AZIN2: variants seen among roughly 807,000 people sequenced by gnomAD.
AZIN2 encodes antizyme inhibitor 2.
In AZIN2, 28 loss-of-function variants were observed where a neutral mutation model predicts 47.8. The ratio of observed to expected loss-of-function variants is 0.59; its 90% CI spans 0.43 to 0.80. AZIN2 has a LOEUF of 0.80. Ranked by LOEUF, AZIN2 falls within the 30% of genes least tolerant of loss-of-function variation. AZIN2 has a pLI of 0.00. For missense variants in AZIN2, 535 were observed against 582.5 expected, an observed-to-expected ratio of 0.92 and a Z score of 0.84; for synonymous variants, 221 against 239.4, an observed-to-expected ratio of 0.92 and a Z score of 0.71.
intron 10 of AZIN2, among the ~76,000 whole-genome samples, chr1:33,109,752 T>C (rs551071710): frequency 6.6e-5 from 10 of 152,124 alleles, no homozygotes; most frequent in Non-Finnish European, 8.8e-5. Flanking sequence ...GTAGTGCTTA[T>C]TACCTTCTAA....
At chr1:33,144,654 G>C in the AZIN2 span, among the ~76,000 whole-genome samples, 1 of 152,184 alleles carries the variant, frequency 6.6e-6, no homozygotes, top group South Asian at 2.1e-4. Flanking sequence ...TTCTTCTTTA[G>C]TCGACAGTCT....
intron 10 of AZIN2, among the ~76,000 whole-genome samples, chr1:33,115,057 T>C (rs1319813765): frequency 6.6e-6 from 1 of 152,200 alleles, no homozygotes; most frequent in Non-Finnish European, 1.5e-5. Context: ...TATGTGCCTT[T>C]GAAGAAGGCA....
rs1320362921 is a variant in AZIN2 at position 33,093,327 on chromosome 1, C to G, written c.498C>G (p.Cys166Trp). The G allele has an allele frequency of 1.9e-6, 3 of 1,613,936 alleles. No individual in the cohort carries two copies. The highest frequency in any genetic ancestry group is 3.3e-5 in the Admixed American group (2 of 59,992). The change falls in exon 7 of 12, where the codon TGC becomes TGG. Residue 166 changes from cysteine (C) to tryptophan (W), a missense_variant. This residue lies in a region of AZIN2 where 409 missense variants were observed against 429.0 expected (regional missense o/e 0.95). Coordinates refer to ENST00000294517, the MANE Select transcript of AZIN2 (RefSeq NM_052998.4). ...IATDDSHSLS[C>W]LSLKFGVSLK... ...CCGATGACTCCCACTCCCTGAGCTG[C>G]CTGAGCCTAAAGTTTGGAGTGTCAC...
chr1:33,112,969 G>A (rs867413321), intron 10 of AZIN2, among the ~76,000 whole-genome samples: 20 of 152,082 alleles, frequency 1.3e-4, no homozygotes, highest in African/African-American at 4.8e-4. Flanking sequence ...CTTCCATGAA[G>A]GTTTTATTTA....
chr1:33,139,746 G>A, the AZIN2 span, among the ~76,000 whole-genome samples: 1 of 152,338 alleles, frequency 6.6e-6, no homozygotes, highest in East Asian at 1.9e-4. Context: ...CCTGTATTGG[G>A]CTGCTGGTGG....
chr1:33,119,856 T>C (rs1644735579), intron 11 of AZIN2, 188 bp from the exon 12 acceptor site: 1 of 645,984 alleles, frequency 1.5e-6, no homozygotes, highest in Non-Finnish European at 2.6e-6. Context: ...TTCTTTCCCT[T>C]GTTGAGGGGT....
chr1:33,085,942 G>A (rs1641843336), intron 5 of AZIN2, among the ~76,000 whole-genome samples: 2 of 152,164 alleles, frequency 1.3e-5, no homozygotes, highest in South Asian at 4.1e-4. Flanking sequence ...GGGATGAAAA[G>A]GAGCAGGATC....
At chr1:33,165,205 G>T in the AZIN2 span, 4 of 355,312 alleles carry the variant, frequency 1.1e-5, no homozygotes, top group African/African-American at 6.4e-5. The surrounding 1 kb of genome is among the most constrained non-coding windows in gnomAD (Gnocchi z 4.0). Flanking sequence ...CACCCAAAGT[G>T]GGAAGGGAGA....
chr1:33,122,482 T>C lies in AZIN2; in HGVS notation c.*2300T>C, dbSNP rs570583613. The stretch of plus-strand genomic sequence containing the variant: ...ATAGTCATTTTTTCCCAGTTATTTG[T>C]TTTTGTTTCTTATTTCAATCTTTTT... On this transcript the variant is annotated 3_prime_UTR_variant, in exon 12 of 12. Transcript: ENST00000294517. Among the ~76,000 whole-genome samples the C allele has an allele frequency of 6.6e-4, 101 of 152,334 alleles. No individual in the cohort carries two copies. Among genetic ancestry groups the C allele is most frequent in the Non-Finnish European group, 1.2e-3 (82 of 68,028 alleles).
Position 33,094,545 on chromosome 1 carries a change from C to T in AZIN2, c.588-3C>T, listed in dbSNP as rs1642931545. ...TCAGCCGAGGCTCTTCCTCTCTTCCCAGTTTTCACATTGGCAGTGGCTGTC... is the reference window on the plus strand; with the variant it reads ...TCAGCCGAGGCTCTTCCTCTCTTCCTAGTTTTCACATTGGCAGTGGCTGTC... On this transcript the variant is annotated splice_region_variant and splice_polypyrimidine_tract_variant and intron_variant, in intron 7 of 11. Coordinates refer to ENST00000294517, the MANE Select transcript of AZIN2 (RefSeq NM_052998.4). The T allele has an allele frequency of 1.2e-6, 2 of 1,607,746 alleles. No homozygotes were observed. Among genetic ancestry groups the T allele is most frequent in the Non-Finnish European group, 1.7e-6 (2 of 1,174,832 alleles).
intron 10 of AZIN2, among the ~76,000 whole-genome samples, chr1:33,107,140 C>G (rs1644046479): frequency 6.6e-6 from 1 of 151,126 alleles, no homozygotes; most frequent in Non-Finnish European, 1.5e-5. Flanking sequence ...CAAAATTATC[C>G]AGGCGTAAAG....
chr1:33,159,744 C>A, the AZIN2 span: 7 of 1,612,796 alleles, frequency 4.3e-6, no homozygotes, highest in East Asian at 1.3e-4. The surrounding 1 kb of genome is among the most constrained non-coding windows in gnomAD (Gnocchi z 4.2). Context: ...TTTCAGCCAG[C>A]CGCTCCTGCA....
At position 33,083,903 on chromosome 1, in the gene AZIN2, C is replaced by A. The variant is rs138814007; in HGVS notation, c.106-51C>A. 11,435 of 1,606,174 alleles carry A rather than the reference C, an allele frequency of 7.1e-3. 57 individuals are homozygous for A. Among genetic ancestry groups the A allele is most frequent in the Non-Finnish European group, 8.0e-3 (9,413 of 1,175,126 alleles). ...TTGGAAGGATCACGGATGGCATGCA[C>A]AGGGTGCGAGCTGGATGGGGTCTCA... On this transcript the variant is annotated intron_variant, in intron 4 of 11. Coordinates refer to ENST00000294517, the MANE Select transcript of AZIN2 (RefSeq NM_052998.4).
At position 33,088,300 on chromosome 1, in the gene AZIN2, C is replaced by T. The variant is rs977983513; in HGVS notation, c.280-3750C>T. Among the ~76,000 whole-genome samples the T allele has an allele frequency of 4.6e-5, 7 of 152,246 alleles. No individual in the cohort carries two copies. The South Asian group carries it at 6.2e-4, about 14-fold the overall frequency. On this transcript the variant is annotated intron_variant, in intron 5 of 11. Transcript: ENST00000294517. ...TGCTGGGTGTGGGAGTTCCCTCTGA[C>T]GTCCTCGTCCTCATCACCACATGCA...
At chr1:33,147,688 T>C in the AZIN2 span, 18 of 1,613,302 alleles carry the variant, frequency 1.1e-5, no homozygotes, top group Non-Finnish European at 1.4e-5. This position sits in a 1 kb window ranked among gnomAD's most constrained non-coding sequence, Gnocchi z 8.1. Context: ...GATCAGGCGC[T>C]GGTGGGCTGT....
intron 10 of AZIN2, among the ~76,000 whole-genome samples, chr1:33,106,547 G>A (rs376358220): frequency 5.9e-5 from 9 of 152,084 alleles, no homozygotes; most frequent in African/African-American, 2.2e-4. Context: ...CACATTAAAA[G>A]GATCATACAC....
At chr1:33,144,301 C>A in the AZIN2 span, among the ~76,000 whole-genome samples, 1 of 152,276 alleles carries the variant, frequency 6.6e-6, no homozygotes, top group East Asian at 1.9e-4. Context: ...CCACACCCGG[C>A]TAATTTTGTA....
the AZIN2 span, among the ~76,000 whole-genome samples, chr1:33,129,440 T>A: frequency 1.3e-5 from 2 of 152,234 alleles, no homozygotes; most frequent in African/African-American, 4.8e-5. This position sits in a 1 kb window ranked among gnomAD's most constrained non-coding sequence, Gnocchi z 4.1. Context: ...GTCCTGTGGT[T>A]CATCTTTTGA....
the AZIN2 span, among the ~76,000 whole-genome samples, chr1:33,135,769 T>C: frequency 6.6e-6 from 1 of 152,202 alleles, no homozygotes; most frequent in South Asian, 2.1e-4. Context: ...GTCCTCAACC[T>C]ATGTGCTATC....
Sources: allele counts gnomAD v4.1 joint callset (sites outside exome capture counted in the v4.1 genomes callset), GRCh38; gene constraint gnomAD v4.1.1; regional missense constraint gnomAD v4.1.1; non-coding constraint Gnocchi (gnomAD v3.1); transcripts MANE v1.5; gene names NCBI Gene and HGNC (gene_info 2026-07-23, HGNC 2026-07-21).